Variants in ADAMTS18 observed in about 807,000 individuals in gnomAD.
The protein encoded by ADAMTS18 is ADAM metallopeptidase with thrombospondin type 1 motif 18, also known as A disintegrin and metalloproteinase with thrombospondin motifs 18.
ADAMTS18 carries 157 observed loss-of-function variants against 165.9 expected under a neutral mutation model. The observed-to-expected ratio is 0.95, with a 90% CI of 0.83 to 1.08. The LOEUF is 1.08. Among genes scored for constraint, ADAMTS18 ranks in the 50% least tolerant of loss-of-function variants. The pLI is 0.00. For synonymous variants in ADAMTS18, 782 were observed against 578.2 expected (o/e 1.35, Z -5.06); for missense variants, 2,040 against 1,534.0 (o/e 1.33, Z -5.51).
chr16:77,330,820 A>C (rs1362074056), intron 12 of ADAMTS18, among the ~76,000 whole-genome samples: 1 of 152,244 alleles, frequency 6.6e-6, no homozygotes, highest in Non-Finnish European at 1.5e-5. Flanking sequence ...ATGAAACAGA[A>C]ACCTCACACT....
intron 12 of ADAMTS18, among the ~76,000 whole-genome samples, chr16:77,334,094 T>G (rs1256312320): frequency 8.1e-4 from 26 of 32,088 alleles, no homozygotes; most frequent in Non-Finnish European, 9.8e-4. Flanking sequence ...TGTTATATAT[T>G]ATATATAATA....
intron 3 of ADAMTS18, among the ~76,000 whole-genome samples, chr16:77,425,709 G>T (rs1192202125): frequency 6.6e-6 from 1 of 152,120 alleles, no homozygotes; most frequent in East Asian, 1.9e-4. Context: ...GTGAACCGCA[G>T]AACCCTGGTA....
intron 10 of ADAMTS18, among the ~76,000 whole-genome samples, chr16:77,347,192 AC>A (rs1221877556): frequency 6.6e-6 from 1 of 152,112 alleles, no homozygotes; most frequent in Non-Finnish European, 1.5e-5. Context: ...TTGCACATTC[AC>A]CTTTTGCAGG....
rs143340420 is a variant in ADAMTS18, at chr16:77,303,995, C to T, written c.2533-3591G>A. Among the ~76,000 whole-genome samples the T allele has an allele frequency of 8.7e-3, 1,331 of 152,150 alleles. 10 individuals are homozygous for T. The highest frequency in any genetic ancestry group is 0.014 in the Non-Finnish European group (935 of 67,988). On this transcript the variant is annotated intron_variant, in intron 16 of 22. Transcript: ENST00000282849. ...CAGTGAGCCGAGATCACGCAACTGCCCTCCAGCCTGGGCGACAGAGCAACA... is the reference window on the plus strand; with the variant it reads ...CAGTGAGCCGAGATCACGCAACTGCTCTCCAGCCTGGGCGACAGAGCAACA...
intron 10 of ADAMTS18, among the ~76,000 whole-genome samples, chr16:77,345,259 A>G (rs1462230328): frequency 1.3e-5 from 2 of 152,172 alleles, no homozygotes; most frequent in Non-Finnish European, 2.9e-5. Flanking sequence ...CACATCCAAA[A>G]TAAAAGTTCT....
intron 16 of ADAMTS18, among the ~76,000 whole-genome samples, chr16:77,306,216 G>T (rs1217404982): frequency 6.6e-5 from 10 of 152,174 alleles, no homozygotes; most frequent in Admixed American, 6.5e-4. Context: ...CTCCTTAAAT[G>T]CTTCCAGGTC....
chr16:77,289,415 C>T lies in ADAMTS18; in HGVS notation c.3403-4G>A, dbSNP rs11643553. ...CTCCCCCACAGGTGACTGTGCACTG[C>T]AGCAGAGAGAAGAGGAAGGAGTCAG... On this transcript the variant is annotated splice_polypyrimidine_tract_variant and splice_region_variant and intron_variant, in intron 21 of 22. Coordinates refer to ENST00000282849, the MANE Select transcript of ADAMTS18 (RefSeq NM_199355.4). 22,407 of 1,613,918 alleles carry T rather than the reference C, an allele frequency of 0.014. 267 individuals carry two copies. The highest frequency in any genetic ancestry group is 0.045 in the South Asian group (4,061 of 91,080).
intron 2 of ADAMTS18, among the ~76,000 whole-genome samples, chr16:77,432,752 A>G (rs2057753604): frequency 6.8e-6 from 1 of 147,474 alleles, no homozygotes; most frequent in Non-Finnish European, 1.5e-5. Flanking sequence ...ACAGTCAACA[A>G]CCTTCCCCCT....
At chr16:77,379,078 A>T (rs1597198580) in intron 3 of ADAMTS18, 1 of 152,266 alleles carries the variant, frequency 6.6e-6, no homozygotes, top group East Asian at 1.9e-4. Flanking sequence ...ACAGATGATC[A>T]ATCCAAGGAC....
At chr16:77,390,642 A>G (rs2057173544) in intron 3 of ADAMTS18, among the ~76,000 whole-genome samples, 1 of 151,634 alleles carries the variant, frequency 6.6e-6, no homozygotes, top group South Asian at 2.1e-4. Flanking sequence ...GTGAGTGGAG[A>G]TCGCACCACT....
intron 16 of ADAMTS18, among the ~76,000 whole-genome samples, chr16:77,310,349 A>C (rs1357029323): frequency 3.9e-5 from 6 of 152,212 alleles, no homozygotes; most frequent in African/African-American, 1.4e-4. Context: ...GTGCTCTAAA[A>C]GTACTTCAGG....
intron 10 of ADAMTS18, among the ~76,000 whole-genome samples, chr16:77,349,636 G>A (rs908972469): frequency 6.8e-6 from 1 of 146,906 alleles, no homozygotes; most frequent in Non-Finnish European, 1.5e-5. Flanking sequence ...TCAATTTCCC[G>A]CCATTTCCCC....
At chr16:77,355,100 A>C (rs1009912574) in intron 9 of ADAMTS18, among the ~76,000 whole-genome samples, 1 of 152,172 alleles carries the variant, frequency 6.6e-6, no homozygotes. Context: ...TAAAGTATCA[A>C]AAGTGTCAAT....
intron 3 of ADAMTS18, among the ~76,000 whole-genome samples, chr16:77,379,150 A>G (rs1597198689): frequency 1.3e-5 from 2 of 152,290 alleles, no homozygotes; most frequent in East Asian, 3.9e-4. Flanking sequence ...GAAGTGACCA[A>G]TGGCAAGGAA....
chr16:77,412,923 C>T (rs1419718280), intron 3 of ADAMTS18, among the ~76,000 whole-genome samples: 1 of 152,106 alleles, frequency 6.6e-6, no homozygotes, highest in African/African-American at 2.4e-5. Context: ...TCTTGAACTC[C>T]TGGTTTCAAG....
chr16:77,289,461 T>C, intron 21 of ADAMTS18, 50 bp from the exon 22 acceptor site: 2 of 1,600,854 alleles, frequency 1.2e-6, no homozygotes, highest in Non-Finnish European at 1.7e-6. Context: ...CTGAGGTCAG[T>C]GACATCAAAC....
chr16:77,413,950 A>G (rs1194924909), intron 3 of ADAMTS18, among the ~76,000 whole-genome samples: 1 of 152,102 alleles, frequency 6.6e-6, no homozygotes, highest in Admixed American at 6.6e-5. Context: ...TTTAGTCTCT[A>G]TTTTAAATTC....
Position 77,294,993 on chromosome 16 carries a change from G to A in ADAMTS18, c.2936C>T (p.Thr979Ile). The A allele has an allele frequency of 2.5e-6, 4 of 1,614,170 alleles. No homozygotes were observed. Among genetic ancestry groups the A allele is most frequent in the Non-Finnish European group, 3.4e-6 (4 of 1,180,032 alleles). ...GTTGCAGGCTTGGACCTGAGTGGGT[G>A]TGCTCACTGGACAGAGAGAATGCAA... The part of the protein sequence containing the change: ...AVLHSLCPVS[T>I]PTQVQACNSH... The change falls in exon 19 of 23, where the codon ACA becomes ATA. Residue 979 changes from threonine to isoleucine, a missense_variant. Transcript: ENST00000282849.
At chr16:77,385,991 T>A (rs1013185865) in intron 3 of ADAMTS18, among the ~76,000 whole-genome samples, 2 of 152,188 alleles carry the variant, frequency 1.3e-5, no homozygotes, top group Non-Finnish European at 2.9e-5. Flanking sequence ...TCAAAAGTGA[T>A]TAGTAGCAGA....
Sources: gnomAD v4.1 joint callset for allele counts (sites outside exome capture counted in the v4.1 genomes callset) on GRCh38, gnomAD v4.1.1 for gene constraint, MANE v1.5 for transcripts, NCBI Gene and HGNC (gene_info 2026-07-23, HGNC 2026-07-21) for gene names.